GAREM2: variants seen among roughly 807,000 people sequenced by gnomAD.
GAREM2 encodes GRB2 associated regulator of MAPK1 subtype 2.
GAREM2 carries 30 observed loss-of-function variants against 55.6 expected under a neutral mutation model. The ratio of observed to expected loss-of-function variants is 0.54; its 90% CI spans 0.40 to 0.73. GAREM2 has a LOEUF of 0.73. Among genes scored for constraint, GAREM2 ranks in the 30% least tolerant of loss-of-function variants. GAREM2 has a pLI of 0.00. For synonymous variants in GAREM2, 550 were observed against 569.1 expected (o/e 0.97, Z 0.48); for missense variants, 1,075 against 1,257.7 (o/e 0.85, Z 2.20).
intron 2 of GAREM2, among the ~76,000 whole-genome samples, chr2:26,177,106 A>G (rs573262521): frequency 5.9e-5 from 9 of 152,330 alleles, no homozygotes; most frequent in African/African-American, 2.2e-4. Flanking sequence ...TGTTACCAAA[A>G]CAGAGTACAG....
At position 26,181,813 on chromosome 2, in the gene GAREM2, C is replaced by G. The variant is rs559614794; in HGVS notation, c.254-1154C>G. 2.5e-5 allele frequency: 4 copies of G among 161,364 alleles called. No homozygotes were observed. In the East Asian group the frequency reaches 5.8e-4, roughly 23 times the overall value. The allele number at this position is 161,364 out of a possible 1,614,324, so 10.0% of individuals were successfully genotyped here. A position where few individuals can be genotyped will look rare whatever the true frequency, so the allele number is the denominator to read the frequency against. ...TGGGCAACATCATGAGACGTCATCT[C>G]TAATAAAAATAAAAAATTAGCCAGG... On this transcript the variant is annotated intron_variant, in intron 2 of 5. Coordinates refer to ENST00000401533, the MANE Select transcript of GAREM2 (RefSeq NM_001168241.2).
chr2:26,185,151 C>T lies in GAREM2; in HGVS notation c.1303C>T (p.His435Tyr). Reference protein sequence around the residue: ...AEIPYEELWAHQGPEGLVRPP... With the variant: ...AEIPYEELWAYQGPEGLVRPP... Reference sequence around the variant, plus strand: ...GATCCCCTACGAGGAGTTGTGGGCGCACCAGGGGCCCGAGGGCCTCGTCCG... The same window carrying T: ...GATCCCCTACGAGGAGTTGTGGGCGTACCAGGGGCCCGAGGGCCTCGTCCG... The change falls in exon 4 of 6, where the codon CAC (histidine) becomes TAC (tyrosine). Residue 435 changes from histidine (H) to tyrosine (Y), a missense_variant. Around this residue, in one of 6 missense-constraint regions of GAREM2, gnomAD observed 515 missense variants for 501.5 expected, o/e 1.03. Coordinates refer to ENST00000401533, the MANE Select transcript of GAREM2 (RefSeq NM_001168241.2). 2 of 1,502,526 alleles carry T rather than the reference C, an allele frequency of 1.3e-6. No homozygotes were observed. Among genetic ancestry groups the T allele is most frequent in the Non-Finnish European group, 1.8e-6 (2 of 1,133,272 alleles). 93.1% of individuals were successfully genotyped at this position (1,502,526 alleles called of 1,614,324 possible).
chr2:26,199,044 G>A, the GAREM2 span, among the ~76,000 whole-genome samples: 1 of 152,006 alleles, frequency 6.6e-6, no homozygotes, highest in Non-Finnish European at 1.5e-5. Context: ...ACAGGCACCT[G>A]CCACCATGCC....
At chr2:26,178,235 C>T (rs1668925957) in intron 2 of GAREM2, among the ~76,000 whole-genome samples, 1 of 152,224 alleles carries the variant, frequency 6.6e-6, no homozygotes, top group East Asian at 1.9e-4. Flanking sequence ...AATTTCCAAG[C>T]TTGGTTCAGG....
Position 26,187,858 on chromosome 2 carries a change from CTTTGAGCCTGAAGGTT to C in GAREM2, c.2228_2243del (p.Phe743TrpfsTer26). On this transcript the variant is annotated frameshift_variant, in exon 6 of 6. Transcript: ENST00000401533. LOFTEE classifies it high-confidence loss of function. The stretch of plus-strand genomic sequence containing the variant: ...TTTCACCACTTGGCCCCTCCAAGGC[CTTTGAGCCTGAAGGTT>C]TGGTGCTGCACCAGGTCCCCACCCC... 6.9e-7 allele frequency: 1 copy of C among 1,440,344 alleles called. No individual in the cohort carries two copies. Among genetic ancestry groups the C allele is most frequent in the Non-Finnish European group, 9.2e-7 (1 of 1,091,594 alleles). 89.2% of individuals were successfully genotyped at this position (1,440,344 alleles called of 1,614,324 possible).
chr2:26,194,439 C>T, downstream of GAREM2: 1 of 731,812 alleles, frequency 1.4e-6, no homozygotes, highest in Non-Finnish European at 2.5e-6. Flanking sequence ...GAGAGGGCAC[C>T]AGGGACCTTC....
downstream of GAREM2, chr2:26,191,261 A>ACTT: frequency 1.9e-6 from 3 of 1,612,492 alleles, no homozygotes; most frequent in Non-Finnish European, 2.5e-6. Flanking sequence ...CACTGGTAGA[A>ACTT]CTTCTTGTTA....
intron 1 of GAREM2, among the ~76,000 whole-genome samples, chr2:26,175,622 TCC>T: frequency 1.3e-5 from 2 of 149,890 alleles, no homozygotes; most frequent in Admixed American, 1.3e-4. Context: ...TTCTGGGGAC[TCC>T]CCCCCTCTCC....
chr2:26,184,205 G>A (rs1239931418), intron 3 of GAREM2, 28 bp from the exon 4 acceptor site: 35 of 1,547,054 alleles, frequency 2.3e-5, no homozygotes, highest in Non-Finnish European at 3.0e-5. Flanking sequence ...ACCTGGCTAA[G>A]GCCCTGCCCT....
At chr2:26,189,931 C>T (rs534890138), downstream of GAREM2, among the ~76,000 whole-genome samples, 11 of 152,348 alleles carry the variant, frequency 7.2e-5, no homozygotes, top group East Asian at 2.1e-3. Flanking sequence ...AGGGAAAGAC[C>T]CAGGCTCAAA....
chr2:26,193,293 C>CTTTTTTTT (rs370942158), downstream of GAREM2, among the ~76,000 whole-genome samples: 1 of 115,166 alleles, frequency 8.7e-6, no homozygotes, highest in Non-Finnish European at 1.7e-5. Flanking sequence ...CACATGACAT[C>CTTTTTTTT]TTTTTTTTTT....
chr2:26,199,647 C>G, the GAREM2 span, among the ~76,000 whole-genome samples: 1 of 152,196 alleles, frequency 6.6e-6, no homozygotes, highest in East Asian at 1.9e-4. Flanking sequence ...CACAATGCAG[C>G]AGAAGTTACC....
Position 26,184,255 on chromosome 2 carries a change from A to C in GAREM2, c.407A>C (p.Glu136Ala). Residue 136 changes from glutamate (E) to alanine (A), a missense_variant, in exon 4 of 6, where the codon GAG (glutamate) becomes GCG (alanine). Coordinates refer to ENST00000401533, the MANE Select transcript of GAREM2 (RefSeq NM_001168241.2). Reference protein sequence around the residue: ...SVKVVSGEFSEDSEVYNFTLH... With the variant: ...SVKVVSGEFSADSEVYNFTLH... Reference sequence around the variant, plus strand: ...CAGGTGGTGTCGGGCGAGTTCAGCGAGGACAGCGAGGTGTACAACTTCACG... The same window carrying C: ...CAGGTGGTGTCGGGCGAGTTCAGCGCGGACAGCGAGGTGTACAACTTCACG... 1 of 1,550,660 alleles carries C rather than the reference A, an allele frequency of 6.4e-7. No homozygotes were observed. The highest frequency in any genetic ancestry group is 8.7e-7 in the Non-Finnish European group (1 of 1,146,500).
Position 26,184,245 on chromosome 2 carries a change from G to A in GAREM2, c.397G>A (p.Glu133Lys). 1 of 1,550,290 alleles carries A rather than the reference G, an allele frequency of 6.5e-7. No homozygotes were observed. Among genetic ancestry groups the A allele is most frequent in the Non-Finnish European group, 8.7e-7 (1 of 1,146,270 alleles). The change falls in exon 4 of 6, where the codon GAG becomes AAG. Residue 133 changes from glutamate (E) to lysine (K), a missense_variant. Around this residue, in one of 6 missense-constraint regions of GAREM2, gnomAD observed 230 missense variants for 310.6 expected, o/e 0.74. Transcript: ENST00000401533. ...CTGGGATCCCCAGGTGGTGTCGGGC[G>A]AGTTCAGCGAGGACAGCGAGGTGTA... is the stretch of plus-strand genomic sequence containing the variant. ...ITFSVKVVSG[E>K]FSEDSEVYNF... is the part of the protein sequence containing the mutation.
chr2:26,183,679 G>A (rs1669128632), intron 3 of GAREM2, among the ~76,000 whole-genome samples: 2 of 152,160 alleles, frequency 1.3e-5, no homozygotes, highest in African/African-American at 4.8e-5. Flanking sequence ...CTGTGAATGT[G>A]CCACTGCCCT....
At chr2:26,191,162 C>G (rs921830642), downstream of GAREM2, 2 of 1,368,940 alleles carry the variant, frequency 1.5e-6, no homozygotes, top group African/African-American at 1.4e-5. Context: ...TCTCGTTACT[C>G]TGATAAATCT....
chr2:26,193,490 C>CA, downstream of GAREM2: 1 of 1,125,962 alleles, frequency 8.9e-7, no homozygotes, highest in Non-Finnish European at 1.4e-6. Flanking sequence ...CTTTCTTCCA[C>CA]GAGGGCTTCT....
At position 26,189,360 on chromosome 2, in the gene GAREM2, C is replaced by T. The variant is rs980497801; in HGVS notation, c.*1103C>T. On this transcript the variant is annotated 3_prime_UTR_variant, in exon 6 of 6. Coordinates refer to ENST00000401533, the MANE Select transcript of GAREM2 (RefSeq NM_001168241.2). ...TTGTGTCCAACCACACACCCCACCC[C>T]ATCCGTGTCCTCCATCTCACCCAGA... 6.6e-6 allele frequency: 1 copy of T among 152,264 alleles called. No homozygotes were observed. 9.4% of individuals were successfully genotyped at this position (152,264 alleles called of 1,614,324 possible).
rs1304739673 is a variant in GAREM2 at position 26,179,951 on chromosome 2, G to C, written c.254-3016G>C. Among the ~76,000 whole-genome samples, 7 of 152,090 alleles carry C rather than the reference G, an allele frequency of 4.6e-5. No homozygotes were observed. The highest frequency in any genetic ancestry group is 1.0e-4 in the Non-Finnish European group (7 of 67,996). The stretch of plus-strand genomic sequence containing the variant: ...GGGGTGGGGGTTGTGTGTGGACTTG[G>C]GGGAGGAGGCGGGAGTGAGGGGAGG... On this transcript the variant is annotated intron_variant, in intron 2 of 5. Coordinates refer to ENST00000401533, the MANE Select transcript of GAREM2 (RefSeq NM_001168241.2). The surrounding 1 kb of genome is among the most constrained non-coding windows in gnomAD (Gnocchi z 4.7).
Sources: allele counts gnomAD v4.1 joint callset (sites outside exome capture counted in the v4.1 genomes callset), GRCh38; gene constraint gnomAD v4.1.1; regional missense constraint gnomAD v4.1.1; non-coding constraint Gnocchi (gnomAD v3.1); transcripts MANE v1.5; gene names NCBI Gene and HGNC (gene_info 2026-07-23, HGNC 2026-07-21).